AADACL3: variants seen among roughly 807,000 people sequenced by gnomAD.
The protein encoded by AADACL3 is arylacetamide deacetylase like 3, also known as arylacetamide deacetylase-like 3.
A neutral mutation model predicts 13.6 loss-of-function variants in AADACL3; 13 were observed. The ratio of observed to expected loss-of-function variants is 0.95; its 90% CI spans 0.62 to 1.52. The LOEUF is 1.52. AADACL3 is among the 40% of genes most tolerant of loss of function. AADACL3 has a pLI of 0.00. For synonymous variants in AADACL3, 195 were observed against 197.0 expected (o/e 0.99, Z 0.08); for missense variants, 519 against 499.2 (o/e 1.04, Z -0.38).
intron 3 of AADACL3, among the ~76,000 whole-genome samples, chr1:12,724,235 C>A (rs566917933): frequency 6.6e-6 from 1 of 152,252 alleles, no homozygotes; most frequent in South Asian, 2.1e-4. Flanking sequence ...GGACACCCAC[C>A]TATTGCAGGG....
intron 3 of AADACL3, among the ~76,000 whole-genome samples, chr1:12,721,424 G>A (rs760121458): frequency 6.6e-6 from 1 of 152,046 alleles, no homozygotes; most frequent in Non-Finnish European, 1.5e-5. Context: ...AAGAAAAAGA[G>A]AGTGAAAGAA....
intron 1 of AADACL3, among the ~76,000 whole-genome samples, chr1:12,717,027 T>A (rs1569617777): frequency 6.6e-6 from 1 of 152,244 alleles, no homozygotes; most frequent in African/African-American, 2.4e-5. Context: ...TAAATGGAAC[T>A]GTGTAGGTGT....
intron 3 of AADACL3, 46 bp downstream of exon 3, chr1:12,720,992 T>G: frequency 1.7e-6 from 2 of 1,181,406 alleles, no homozygotes; most frequent in Non-Finnish European, 2.3e-6. Context: ...AGCAAGGCTC[T>G]GATGTGGAGA....
chr1:12,723,543 T>A (rs1335721374), intron 3 of AADACL3, among the ~76,000 whole-genome samples: 2 of 152,236 alleles, frequency 1.3e-5, no homozygotes, highest in African/African-American at 4.8e-5. Flanking sequence ...AGTGGTGCGA[T>A]CTCAGCTCAC....
chr1:12,719,072 G>A (rs896679526), intron 1 of AADACL3, among the ~76,000 whole-genome samples: 2 of 152,208 alleles, frequency 1.3e-5, no homozygotes, highest in African/African-American at 2.4e-5. Flanking sequence ...ACACAGGCTT[G>A]GGGTGGCCAG....
chr1:12,722,794 T>C (rs1638291827), intron 3 of AADACL3, among the ~76,000 whole-genome samples: 1 of 152,004 alleles, frequency 6.6e-6, no homozygotes, highest in African/African-American at 2.4e-5. Flanking sequence ...GCCATGGTGT[T>C]GAGTGTGCAT....
rs758796843 is a variant in AADACL3, at chr1:12,725,426, G to A, written c.654G>A (p.Gln218=). 9.9e-6 allele frequency: 16 copies of A among 1,613,922 alleles called. No homozygotes were observed. The highest frequency in any genetic ancestry group is 1.3e-5 in the Non-Finnish European group (15 of 1,179,980). The change falls in exon 4 of 4, where the codon CAG becomes CAA. Residue 218 remains glutamine (Q), a synonymous_variant. Transcript: ENST00000359318. ...DRPDLPRIRA[Q]ILIYAILQAL... ...CAGATCTGCCCCGGATCCGGGCTCA[G>A]ATCCTGATCTATGCCATTCTCCAAG...
chr1:12,724,016 T>C (rs1335523895), intron 3 of AADACL3, among the ~76,000 whole-genome samples: 1 of 152,112 alleles, frequency 6.6e-6, no homozygotes, highest in South Asian at 2.1e-4. Context: ...ACTCCTGACC[T>C]CAGGTGATCC....
In AADACL3 at chr1:12,725,350, G is replaced by C; in HGVS notation, c.578G>C (p.Ser193Thr). 3 of 1,614,182 alleles carry C rather than the reference G, an allele frequency of 1.9e-6. No individual in the cohort carries two copies. The highest frequency in any genetic ancestry group is 2.5e-6 in the Non-Finnish European group (3 of 1,180,030). Residue 193 changes from serine to threonine, a missense_variant, in exon 4 of 4, where the codon AGT (serine) becomes ACT (threonine). Transcript: ENST00000359318. ...DPARVVVCGD[S>T]FGGAIAAVVC... ...GCCCGGGTTGTGGTCTGCGGTGACAGTTTCGGAGGGGCAATAGCCGCAGTG... is the reference window on the plus strand; with the variant it reads ...GCCCGGGTTGTGGTCTGCGGTGACACTTTCGGAGGGGCAATAGCCGCAGTG...
chr1:12,728,303 A>T lies in AADACL3; in HGVS notation c.*2307A>T, dbSNP rs1638414825. On this transcript the variant is annotated 3_prime_UTR_variant, in exon 4 of 4. Coordinates refer to ENST00000359318, the MANE Select transcript of AADACL3 (RefSeq NM_001103170.3). ...AGTAGGTACAGACATACCTATGGAT[A>T]TTGCAGATTCAGTTCCAGACCACAG... The T allele has an allele frequency of 6.6e-6, 1 of 152,230 alleles. No individual in the cohort carries two copies. The allele number at this position is 152,230 out of a possible 1,614,324, so 9.4% of individuals were successfully genotyped here. A position where few individuals can be genotyped will look rare whatever the true frequency, so the allele number is the denominator to read the frequency against.
At chr1:12,719,942 T>C (rs1238597287) in intron 2 of AADACL3, among the ~76,000 whole-genome samples, 23 of 152,196 alleles carry the variant, frequency 1.5e-4, no homozygotes, top group Non-Finnish European at 5.9e-5. Flanking sequence ...TACTGTAAGG[T>C]AAAGATCCTG....
At chr1:12,724,541 G>GT (rs1223188433) in intron 3 of AADACL3, among the ~76,000 whole-genome samples, 2 of 151,896 alleles carry the variant, frequency 1.3e-5, no homozygotes, top group Admixed American at 6.6e-5. Flanking sequence ...CTGGAGTGCA[G>GT]TGGCATGGTC....
rs187033322 is a variant in AADACL3 at position 12,726,102 on chromosome 1, G to A, written c.*106G>A. 197 of 1,324,794 alleles carry A rather than the reference G, an allele frequency of 1.5e-4. No homozygotes were observed. In the African/African-American group the frequency reaches 2.2e-3, roughly 15 times the overall value. 82.1% of individuals were successfully genotyped at this position (1,324,794 alleles called of 1,614,324 possible). On this transcript the variant is annotated 3_prime_UTR_variant, in exon 4 of 4. Transcript: ENST00000359318. ...GGTGGTGCATAGTGGGGCTAGGGAG[G>A]GGGTAGAGGTTGCTGTCACCTTTCT...
At chr1:12,720,851 C>T in intron 2 of AADACL3, 32 bp from the exon 3 acceptor site, 1 of 1,594,292 alleles carries the variant, frequency 6.3e-7, no homozygotes, top group Non-Finnish European at 8.6e-7. Context: ...GGAAGCCTTC[C>T]TAGTGAATCT....
chr1:12,719,474 G>A lies in AADACL3; in HGVS notation c.169-1G>A, dbSNP rs1056544689. ...CCCATCATTTCTTCTCTCTCCAACA[G>A]GGGATGATATTTGAGAAGCTCAGAA... On this transcript the variant is annotated splice_acceptor_variant, in intron 1 of 3. Coordinates refer to ENST00000359318, the MANE Select transcript of AADACL3 (RefSeq NM_001103170.3). LOFTEE classifies it high-confidence loss of function. The A allele has an allele frequency of 1.2e-6, 2 of 1,613,262 alleles. No individual in the cohort carries two copies. Among genetic ancestry groups the A allele is most frequent in the African/African-American group, 1.3e-5 (1 of 75,032 alleles).
At position 12,725,432 on chromosome 1, in the gene AADACL3, G is replaced by T. The variant is rs1337468473; in HGVS notation, c.660G>T (p.Leu220=). ...PDLPRIRAQI[L]IYAILQALDL... ...TGCCCCGGATCCGGGCTCAGATCCT[G>T]ATCTATGCCATTCTCCAAGCCCTGG... The change falls in exon 4 of 4, where the codon CTG becomes CTT. Residue 220 remains leucine, a synonymous_variant. Transcript: ENST00000359318. 6.2e-7 allele frequency: 1 copy of T among 1,614,024 alleles called. No individual in the cohort carries two copies. Among genetic ancestry groups the T allele is most frequent in the Non-Finnish European group, 8.5e-7 (1 of 1,179,964 alleles).
intron 1 of AADACL3, 88 bp downstream of exon 1, chr1:12,716,432 G>T (rs1569616972): frequency 1.4e-5 from 21 of 1,546,980 alleles, no homozygotes; most frequent in Non-Finnish European, 1.8e-5. Context: ...CTAGCTGAAT[G>T]AACACCGGTA....
In AADACL3 at chr1:12,725,482, A is replaced by T; in HGVS notation, c.710A>T (p.Gln237Leu). 1 of 1,614,078 alleles carries T rather than the reference A, an allele frequency of 6.2e-7. No homozygotes were observed. Among genetic ancestry groups the T allele is most frequent in the Non-Finnish European group, 8.5e-7 (1 of 1,179,996 alleles). ...GATTTACAAACCCCTTCGTTTCAAC[A>T]GAGGAAAAACATCCCACTGCTCACC... ...ALDLQTPSFQ[Q>L]RKNIPLLTWS... The change falls in exon 4 of 4, where the codon CAG becomes CTG. Residue 237 changes from glutamine (Q) to leucine (L), a missense_variant. Coordinates refer to ENST00000359318, the MANE Select transcript of AADACL3 (RefSeq NM_001103170.3).
rs1003966558 is a variant in AADACL3, at chr1:12,719,638, T to G, written c.332T>G (p.Leu111Arg). The change falls in exon 2 of 4, where the codon CTG becomes CGG. Residue 111 changes from leucine (L) to arginine (R), a missense_variant. Physicochemically the swap from Leu to Arg is moderately radical, Grantham distance 102 (BLOSUM62 -2). Transcript: ENST00000359318. ...LYQPKASTCT[L>R]KPGIVYYHGG... is the part of the protein sequence containing the mutation. Reference sequence around the variant, plus strand: ...CAACCCAAGGCATCCACCTGCACCCTGAAGCCTGGCATCGTGTACTACCAC... The same window carrying G: ...CAACCCAAGGCATCCACCTGCACCCGGAAGCCTGGCATCGTGTACTACCAC... 2 of 1,614,196 alleles carry G rather than the reference T, an allele frequency of 1.2e-6. No individual in the cohort carries two copies. Among genetic ancestry groups the G allele is most frequent in the Non-Finnish European group, 1.7e-6 (2 of 1,180,030 alleles).
Sources: gnomAD v4.1 joint callset for allele counts (sites outside exome capture counted in the v4.1 genomes callset) on GRCh38, gnomAD v4.1.1 for gene constraint, MANE v1.5 for transcripts, NCBI Gene and HGNC (gene_info 2026-07-23, HGNC 2026-07-21) for gene names.